The following LARS2 variants were observed in gnomAD, a reference collection of about 807,000 sequenced individuals.
LARS2 encodes leucine--tRNA ligase, mitochondrial.
In LARS2, 81 loss-of-function variants were observed where a neutral mutation model predicts 116.6. The ratio of observed to expected loss-of-function variants is 0.69; its 90% confidence interval spans 0.58 to 0.84. The LOEUF (loss-of-function observed/expected upper bound fraction) is 0.84, where lower values mean the gene tolerates loss of function less well. Ranked by LOEUF, LARS2 falls within the 40% of genes least tolerant of loss-of-function variation. The pLI is 0.00. For synonymous variants in LARS2, 396 were observed against 407.2 expected (o/e 0.97, Z 0.33); for missense variants, 968 against 1,114.5 (o/e 0.87, Z 1.87).
intron 4 of LARS2, among the ~76,000 whole-genome samples, chr3:45,410,766 C>T (rs186908056): frequency 1.0e-3 from 158 of 152,320 alleles, no homozygotes; most frequent in Non-Finnish European, 8.8e-4. Context: ...TCCAGCGTTC[C>T]GCCTTACTCT....
At chr3:45,443,460 C>T (rs1421015406) in intron 6 of LARS2, among the ~76,000 whole-genome samples, 1 of 152,188 alleles carries the variant, frequency 6.6e-6, no homozygotes, top group Non-Finnish European at 1.5e-5. Context: ...GGTGTCTGTT[C>T]CCAACTGTGT....
chr3:45,451,836 A>G lies in LARS2; in HGVS notation c.606+4856A>G, dbSNP rs369741517. On this transcript the variant is annotated intron_variant, in intron 7 of 21. Coordinates refer to ENST00000645846, the MANE Select transcript of LARS2 (RefSeq NM_015340.4). ...CAATATTCTTCCAATCCACGAACAT[A>G]GTATATTTTTGCATTTTTTGTTTGT... 1.3e-5 allele frequency among the ~76,000 whole-genome samples: 2 copies of G among 152,070 alleles called. 1 individual carries two copies. The highest frequency in any genetic ancestry group is 1.3e-4 in the Admixed American group (2 of 15,270).
chr3:45,496,266 C>T lies in LARS2; in HGVS notation c.1524-9C>T. On this transcript the variant is annotated splice_polypyrimidine_tract_variant and intron_variant, in intron 13 of 21. Transcript: ENST00000645846. ...AGAAACCAATTGATGAATTTCATTT[C>T]TTTCTTAGGTGCAAGGGAGCAGCCA... The T allele has an allele frequency of 6.2e-7, 1 of 1,603,290 alleles. No homozygotes were observed. Among genetic ancestry groups the T allele is most frequent in the East Asian group, 2.2e-5 (1 of 44,862 alleles).
chr3:45,442,276 C>T (rs1333958450), intron 6 of LARS2, among the ~76,000 whole-genome samples: 1 of 152,188 alleles, frequency 6.6e-6, no homozygotes, highest in East Asian at 1.9e-4. Flanking sequence ...AGCCCCACCC[C>T]ACAGACACAG....
chr3:45,519,406 A>G (rs6803997), intron 18 of LARS2, among the ~76,000 whole-genome samples: 130,803 of 148,048 alleles, frequency 0.88, 60,036 homozygotes, highest in East Asian at 1. Flanking sequence ...CAGGAGAATC[A>G]CTTGAACCTG....
intron 5 of LARS2, among the ~76,000 whole-genome samples, chr3:45,418,771 A>G (rs996361986): frequency 6.6e-6 from 1 of 152,238 alleles, no homozygotes; most frequent in African/African-American, 2.4e-5. Context: ...AGCAGTTAAG[A>G]TGATGGCCCC....
In LARS2 at chr3:45,500,580, GT is replaced by G; in HGVS notation, c.1760+2del. The G allele has an allele frequency of 6.4e-7, 1 of 1,564,082 alleles. No homozygotes were observed. The highest frequency in any genetic ancestry group is 8.6e-7 in the Non-Finnish European group (1 of 1,162,530). ...ATGATCAAAAAATGGTTAAACATAG[GT>G]AAGCACTTATACTGCTTTGCAAAAT... On this transcript the variant is annotated splice_donor_variant, in intron 15 of 21. Coordinates refer to ENST00000645846, the MANE Select transcript of LARS2 (RefSeq NM_015340.4). LOFTEE classifies it high-confidence loss of function.
At chr3:45,502,151 T>G (rs1036274648) in intron 15 of LARS2, among the ~76,000 whole-genome samples, 1 of 152,094 alleles carries the variant, frequency 6.6e-6, no homozygotes, top group African/African-American at 2.4e-5. Context: ...ATAGTTGATT[T>G]CTTAATGAAG....
chr3:45,522,668 A>G (rs1416390400), intron 19 of LARS2, among the ~76,000 whole-genome samples: 1 of 152,156 alleles, frequency 6.6e-6, no homozygotes, highest in African/African-American at 2.4e-5. Context: ...TTAAACCTGT[A>G]GGCAGAGGTT....
At chr3:45,417,674 T>C (rs1698452513) in intron 5 of LARS2, 101 bp downstream of exon 5, 1 of 702,304 alleles carries the variant, frequency 1.4e-6, no homozygotes, top group African/African-American at 1.8e-5. Flanking sequence ...AACAAAACAC[T>C]GCAGCGTACC....
intron 8 of LARS2, among the ~76,000 whole-genome samples, chr3:45,470,398 C>G (rs1315522977): frequency 6.6e-6 from 1 of 152,122 alleles, no homozygotes; most frequent in African/African-American, 2.4e-5. Flanking sequence ...GTTACTTCAG[C>G]CCATCTTTTA....
At chr3:45,481,655 A>T (rs2125723536) in intron 10 of LARS2, among the ~76,000 whole-genome samples, 2 of 152,268 alleles carry the variant, frequency 1.3e-5, no homozygotes, top group South Asian at 4.1e-4. Context: ...ATGTCTGTTC[A>T]GTTCTCTTGC....
chr3:45,491,660 T>C lies in LARS2; in HGVS notation c.1383T>C (p.Ile461=), dbSNP rs35347543. 348 of 1,614,204 alleles carry C rather than the reference T, an allele frequency of 2.2e-4. 1 individual carries two copies. In the Middle Eastern group the frequency reaches 0.012, roughly 57 times the overall value. Residue 461 remains isoleucine (I), a synonymous_variant, in exon 13 of 22, where the codon ATT becomes ATC. Transcript: ENST00000645846. ...RQRYWGTPIP[I]VHCPVCGPTP... ...GGTACTGGGGCACACCAATCCCCAT[T>C]GTCCACTGCCCAGTCTGTGGCCCCA...
intron 8 of LARS2, among the ~76,000 whole-genome samples, chr3:45,471,427 C>T (rs2372974): frequency 0.8 from 121,805 of 152,242 alleles, 52,892 homozygotes; most frequent in East Asian, 0.98. Flanking sequence ...AAAACATTCA[C>T]ATTTCATCCT....
chr3:45,390,798 G>A (rs1018187891), intron 1 of LARS2, among the ~76,000 whole-genome samples: 6 of 151,806 alleles, frequency 4.0e-5, no homozygotes, highest in Non-Finnish European at 7.4e-5. Context: ...GACTACAGGC[G>A]CCCGCCACCA....
intron 4 of LARS2, among the ~76,000 whole-genome samples, chr3:45,415,344 T>C (rs1244425995): frequency 6.6e-6 from 1 of 152,208 alleles, no homozygotes; most frequent in African/African-American, 2.4e-5. Context: ...ATAATACTAG[T>C]GGCCAACATT....
intron 7 of LARS2, among the ~76,000 whole-genome samples, chr3:45,450,522 C>T (rs889561517): frequency 2.0e-5 from 3 of 152,156 alleles, no homozygotes; most frequent in Non-Finnish European, 4.4e-5. Flanking sequence ...TGGCTTATGT[C>T]ACATGGTAAC....
intron 20 of LARS2, among the ~76,000 whole-genome samples, chr3:45,533,099 G>A (rs1700642651): frequency 1.4e-5 from 2 of 147,626 alleles, no homozygotes; most frequent in Non-Finnish European, 3.0e-5. Flanking sequence ...TCTTAAGCAG[G>A]AAACATGGCT....
At chr3:45,490,987 G>C (rs1301739392) in intron 12 of LARS2, among the ~76,000 whole-genome samples, 2 of 152,194 alleles carry the variant, frequency 1.3e-5, no homozygotes, top group Non-Finnish European at 2.9e-5. Context: ...AATTCCTTCT[G>C]CTTTAGGATA....
Sources: allele counts gnomAD v4.1 joint callset (sites outside exome capture counted in the v4.1 genomes callset), GRCh38; gene constraint gnomAD v4.1.1; transcripts MANE v1.5; gene names NCBI Gene and HGNC (gene_info 2026-07-23, HGNC 2026-07-21).